PIK3CB: variants seen among roughly 807,000 people sequenced by gnomAD.
PIK3CB encodes the protein phosphatidylinositol 4,5-bisphosphate 3-kinase catalytic subunit beta isoform.
In PIK3CB, 39 loss-of-function variants were observed where a neutral mutation model predicts 136.8. The observed-to-expected ratio is 0.29, with a 90% CI of 0.22 to 0.37. PIK3CB has a LOEUF of 0.37. Ranked by LOEUF, PIK3CB falls within the 10% of genes least tolerant of loss-of-function variation. The pLI, the probability that PIK3CB is intolerant of heterozygous loss-of-function variation, is 1.00. For synonymous variants in PIK3CB, 428 were observed against 436.6 expected (o/e 0.98, Z 0.25); for missense variants, 868 against 1,275.4 (o/e 0.68, Z 4.87).
At chr3:138,727,237 A>G (rs1421903769) in intron 8 of PIK3CB, among the ~76,000 whole-genome samples, 3 of 152,170 alleles carry the variant, frequency 2.0e-5, no homozygotes, top group African/African-American at 7.2e-5. Context: ...CATGTGTCCT[A>G]TATGATCTCT....
intron 1 of PIK3CB, among the ~76,000 whole-genome samples, chr3:138,808,843 T>C (rs886731344): frequency 1.3e-5 from 2 of 151,684 alleles, no homozygotes; most frequent in Non-Finnish European, 2.9e-5. Flanking sequence ...ATATAACATA[T>C]ACTAATACAT....
chr3:138,726,683 T>G (rs1310687548), intron 8 of PIK3CB, among the ~76,000 whole-genome samples: 1 of 152,152 alleles, frequency 6.6e-6, no homozygotes, highest in Non-Finnish European at 1.5e-5. Context: ...CTTCTAGACT[T>G]TAGGCAACAC....
chr3:138,660,701 T>C (rs888535230), intron 21 of PIK3CB, among the ~76,000 whole-genome samples: 1 of 152,212 alleles, frequency 6.6e-6, no homozygotes, highest in Non-Finnish European at 1.5e-5. Flanking sequence ...AGGTTTTAAA[T>C]GTTATCATCA....
At chr3:138,707,481 T>C (rs1416784581) in intron 10 of PIK3CB, 192 bp from the exon 11 acceptor site, 2 of 1,333,328 alleles carry the variant, frequency 1.5e-6, no homozygotes, top group Non-Finnish European at 9.5e-7. Flanking sequence ...TGAGTTTGCA[T>C]ACATGTTTTA....
intron 2 of PIK3CB, among the ~76,000 whole-genome samples, chr3:138,782,978 A>C (rs945708580): frequency 6.6e-6 from 1 of 152,326 alleles, no homozygotes; most frequent in East Asian, 1.9e-4. Flanking sequence ...AGTCAGTCCA[A>C]TATCACTGTT....
rs576986268 is a variant in PIK3CB, at chr3:138,759,283, C to A, written c.61G>T (p.Asp21Tyr). The change falls in exon 3 of 24, where the codon GAT (aspartate) becomes TAT (tyrosine). Residue 21 changes from aspartate (D) to tyrosine (Y), a missense_variant. Coordinates refer to ENST00000674063, the MANE Select transcript of PIK3CB (RefSeq NM_006219.3). ...GAGCCATCAGATGCTATCTGTGAAT[C>A]CACCGCCCAGATGTCAAGGATGTCT... is the stretch of plus-strand genomic sequence containing the variant. ...MADILDIWAV[D>Y]SQIASDGSIP... 3.7e-6 allele frequency: 6 copies of A among 1,612,846 alleles called. No homozygotes were observed. The highest frequency in any genetic ancestry group is 5.1e-6 in the Non-Finnish European group (6 of 1,179,026).
At chr3:138,831,911 C>G (rs1269235725) in intron 1 of PIK3CB, among the ~76,000 whole-genome samples, 1 of 152,130 alleles carries the variant, frequency 6.6e-6, no homozygotes, top group Non-Finnish European at 1.5e-5. Flanking sequence ...GAGAGAGACT[C>G]CATCTCAAAA....
chr3:138,711,297 G>A (rs775419780), intron 10 of PIK3CB, among the ~76,000 whole-genome samples: 20 of 151,448 alleles, frequency 1.3e-4, no homozygotes, highest in Admixed American at 3.3e-4. Context: ...TCAGAAATAC[G>A]GCCAGGCGCG....
intron 1 of PIK3CB, among the ~76,000 whole-genome samples, chr3:138,812,340 G>A (rs1045153216): frequency 1.2e-4 from 18 of 151,652 alleles, no homozygotes; most frequent in African/African-American, 4.1e-4. Flanking sequence ...GGGTTCAAGC[G>A]ATTCTCCTGC....
intron 9 of PIK3CB, among the ~76,000 whole-genome samples, chr3:138,712,715 C>T (rs1202570501): frequency 1.6e-4 from 24 of 151,774 alleles, no homozygotes; most frequent in Admixed American, 3.9e-4. Context: ...TACAGGCACC[C>T]GCCACCACAC....
chr3:138,830,544 C>G (rs6807661), intron 1 of PIK3CB, among the ~76,000 whole-genome samples: 2 of 151,836 alleles, frequency 1.3e-5, no homozygotes, highest in Admixed American at 1.3e-4. Context: ...CAGAGCACGA[C>G]TCCGTCTCAA....
At chr3:138,769,075 T>A (rs2045768957) in intron 2 of PIK3CB, among the ~76,000 whole-genome samples, 1 of 152,042 alleles carries the variant, frequency 6.6e-6, no homozygotes, top group South Asian at 2.1e-4. Context: ...CTGCAGCTGC[T>A]CCTGGGAAGC....
intron 2 of PIK3CB, among the ~76,000 whole-genome samples, chr3:138,785,439 T>G (rs186786747): frequency 6.6e-6 from 1 of 152,162 alleles, no homozygotes. Context: ...TAGAAAGAAG[T>G]AGACATAGGA....
chr3:138,769,792 T>C (rs1431549263), intron 2 of PIK3CB, among the ~76,000 whole-genome samples: 1 of 152,192 alleles, frequency 6.6e-6, no homozygotes, highest in East Asian at 1.9e-4. Flanking sequence ...TCACTCTTAT[T>C]TTATAGGACT....
intron 2 of PIK3CB, among the ~76,000 whole-genome samples, chr3:138,762,371 C>A (rs2045674786): frequency 6.6e-6 from 1 of 152,204 alleles, no homozygotes; most frequent in Admixed American, 6.5e-5. Flanking sequence ...TTTAGCCATG[C>A]TAAGATTGAT....
intron 1 of PIK3CB, among the ~76,000 whole-genome samples, chr3:138,809,277 C>CAAAA (rs199881045): frequency 6.8e-6 from 1 of 146,190 alleles, no homozygotes; most frequent in African/African-American, 2.5e-5. Context: ...GATTCTGTCT[C>CAAAA]AAAAAAAAAC....
chr3:138,730,458 T>C (rs775013176), intron 8 of PIK3CB, among the ~76,000 whole-genome samples: 2 of 152,194 alleles, frequency 1.3e-5, no homozygotes, highest in Non-Finnish European at 2.9e-5. Flanking sequence ...ATAAATTATC[T>C]ACAGAAGACA....
chr3:138,722,941 G>T (rs752460651), intron 8 of PIK3CB, among the ~76,000 whole-genome samples: 1 of 151,900 alleles, frequency 6.6e-6, no homozygotes, highest in Non-Finnish European at 1.5e-5. Context: ...ATTAAGATTA[G>T]TTCTGCTTGA....
At chr3:138,683,055 T>C (rs556761499) in intron 18 of PIK3CB, among the ~76,000 whole-genome samples, 1 of 152,292 alleles carries the variant, frequency 6.6e-6, no homozygotes, top group South Asian at 2.1e-4. Flanking sequence ...ATGAATATAT[T>C]ACTGAAAATA....
Sources: allele counts gnomAD v4.1 joint callset (sites outside exome capture counted in the v4.1 genomes callset), GRCh38; gene constraint gnomAD v4.1.1; transcripts MANE v1.5; gene names NCBI Gene and HGNC (gene_info 2026-07-23, HGNC 2026-07-21).